The following SNRPN variants were observed in gnomAD, a reference collection of about 807,000 sequenced individuals.
SNRPN encodes small nuclear ribonucleoprotein-associated protein N.
Under a neutral mutation model 25.2 loss-of-function variants are expected in SNRPN, and 7 were observed. The ratio of observed to expected loss-of-function variants is 0.28; its 90% CI spans 0.16 to 0.52. The LOEUF is 0.52. SNRPN is among the 20% of genes least tolerant of loss of function. SNRPN has a pLI of 0.96. For missense variants in SNRPN, 196 were observed against 322.5 expected (o/e 0.61, Z 3.00); for synonymous variants, 124 against 110.6 (o/e 1.12, Z -0.76).
At chr15:24,954,945 G>T (rs570043090), upstream of SNRPN, 223 of 1,534,900 alleles carry the variant, frequency 1.5e-4, no homozygotes, top group African/African-American at 2.9e-3. Context: ...ATGCTCAGGC[G>T]GGGATGTGTG....
At position 24,976,410 on chromosome 15, in the gene SNRPN, C is replaced by G. The variant is rs200650114; in HGVS notation, c.261C>G (p.Pro87=). The change falls in exon 6 of 10, where the codon CCC becomes CCG. Residue 87 remains proline (P), a synonymous_variant. Coordinates refer to ENST00000390687, the MANE Select transcript of SNRPN (RefSeq NM_003097.6). Reference sequence around the variant, plus strand: ...CCATGACTGTGGAGGGGCCACCCCCCAAAGATGTAAGGAAGATGTAGGGCA... The same window carrying G: ...CCATGACTGTGGAGGGGCCACCCCCGAAAGATGTAAGGAAGATGTAGGGCA... ...LVSMTVEGPP[P]KDTGIARVPL... The G allele has an allele frequency of 1.3e-4, 216 of 1,604,680 alleles. No homozygotes were observed. The African/African-American group carries it at 2.2e-3, about 17-fold the overall frequency.
chr15:24,826,335 G>C (rs1220147523), intron 1 of SNRPN, among the ~76,000 whole-genome samples: 1 of 152,044 alleles, frequency 6.6e-6, no homozygotes, highest in Non-Finnish European at 1.5e-5. Flanking sequence ...AAAAGTCCTT[G>C]CTGCTCCACA....
At chr15:24,949,820 C>T (rs2062126842) in intron 3 of SNRPN, among the ~76,000 whole-genome samples, 1 of 151,452 alleles carries the variant, frequency 6.6e-6, no homozygotes, top group Non-Finnish European at 1.5e-5. Context: ...TTTCCTTTTT[C>T]TTTTCTTTCT....
intron 2 of SNRPN, among the ~76,000 whole-genome samples, chr15:24,964,626 G>GT (rs1172324996): frequency 6.6e-6 from 1 of 151,912 alleles, no homozygotes; most frequent in Non-Finnish European, 1.5e-5. Flanking sequence ...CAGCTCTGAC[G>GT]TTTTTTTAAA....
At chr15:24,923,498 T>C (rs1026737358) in intron 3 of SNRPN, among the ~76,000 whole-genome samples, 1 of 152,192 alleles carries the variant, frequency 6.6e-6, no homozygotes, top group Non-Finnish European at 1.5e-5. Flanking sequence ...GAAAAGTACA[T>C]GCACAGTTGA....
At chr15:24,905,040 A>G (rs992461818) in intron 2 of SNRPN, among the ~76,000 whole-genome samples, 1 of 149,136 alleles carries the variant, frequency 6.7e-6, no homozygotes, top group Non-Finnish European at 1.5e-5. Flanking sequence ...TTGAACCCAG[A>G]ATTCAGAGGT....
intron 1 of SNRPN, among the ~76,000 whole-genome samples, chr15:24,878,012 C>A (rs1031386219): frequency 1.3e-5 from 2 of 152,114 alleles, no homozygotes; most frequent in Admixed American, 6.6e-5. Context: ...GATTGTGTTA[C>A]CATGGACAAA....
At chr15:24,891,421 ATT>A (rs766188064) in intron 2 of SNRPN, among the ~76,000 whole-genome samples, 82 of 151,644 alleles carry the variant, frequency 5.4e-4, no homozygotes, top group Non-Finnish European at 9.6e-4. Flanking sequence ...TGGTAGTATC[ATT>A]GGGCCCAGTA....
chr15:24,841,948 C>T, intron 2 of SNRPN, among the ~76,000 whole-genome samples: 1 of 152,258 alleles, frequency 6.6e-6, no homozygotes, highest in African/African-American at 2.4e-5. Flanking sequence ...CTATGATCTG[C>T]TGTTTCCACA....
intron 1 of SNRPN, among the ~76,000 whole-genome samples, chr15:24,825,305 C>T (rs2050005090): frequency 6.6e-6 from 1 of 151,548 alleles, no homozygotes; most frequent in African/African-American, 2.4e-5. Flanking sequence ...TTAGAAGAAC[C>T]TAATAGTCAT....
chr15:24,978,041 T>G, intron 8 of SNRPN, 125 bp downstream of exon 8: 1 of 1,206,488 alleles, frequency 8.3e-7, no homozygotes, highest in South Asian at 1.5e-5. Context: ...ATACTGGTTT[T>G]TAATGAAAGA....
chr15:24,843,972 G>GAA (rs58031649), intron 2 of SNRPN, among the ~76,000 whole-genome samples: 27 of 135,442 alleles, frequency 2.0e-4, no homozygotes, highest in African/African-American at 6.8e-4. Flanking sequence ...ACTCTGTCTT[G>GAA]AAAAAAAAAA....
chr15:24,966,699 C>T (rs554666547), intron 2 of SNRPN, among the ~76,000 whole-genome samples: 1 of 152,308 alleles, frequency 6.6e-6, no homozygotes, highest in East Asian at 1.9e-4. Flanking sequence ...GTATAGGTTA[C>T]TTCCCAGGAA....
chr15:24,927,519 AC>A (rs2060496851), intron 3 of SNRPN, among the ~76,000 whole-genome samples: 1 of 66,362 alleles, frequency 1.5e-5, no homozygotes, highest in African/African-American at 5.8e-5. Flanking sequence ...TTTTTTTTTT[AC>A]TTTTGACCAC....
At chr15:24,829,422 C>T (rs2050340688) in intron 1 of SNRPN, among the ~76,000 whole-genome samples, 1 of 151,984 alleles carries the variant, frequency 6.6e-6, no homozygotes, top group African/African-American at 2.4e-5. Context: ...GTCTGTGGCA[C>T]AGGCCAGGGC....
In SNRPN at chr15:24,916,071, A is replaced by G. The variant is rs142134762; in HGVS notation, c.-504-3940A>G. Among the ~76,000 whole-genome samples, 334 of 146,980 alleles carry G rather than the reference A, an allele frequency of 2.3e-3. 2 individuals carry two copies. The highest frequency in any genetic ancestry group is 8.1e-3 in the African/African-American group (320 of 39,564). On this transcript the variant is annotated intron_variant, in intron 2 of 11. Coordinates refer to the SNRPN transcript ENST00000400097. ...ACTGTAACCTCTGCCTCCCGGATTC[A>G]AGTGATTCTCCTGCCTCAGCCTCCC...
At position 24,927,475 on chromosome 15, in the gene SNRPN, AATTTT is replaced by A. The variant is rs2060473047; in HGVS notation, c.-391+7352_-391+7356del. ...TTTCCCACTGCTTATAAAGTTTTTA[AATTTT>A]TTTTTTTTTTTTTTTTTTTTTTTTT... is the stretch of plus-strand genomic sequence containing the variant. On this transcript the variant is annotated intron_variant, in intron 3 of 11. Coordinates refer to the SNRPN transcript ENST00000400097. Among the ~76,000 whole-genome samples, 32 of 113,320 alleles carry A rather than the reference AATTTT, an allele frequency of 2.8e-4. 3 individuals are homozygous for A. Among genetic ancestry groups the A allele is most frequent in the African/African-American group, 9.8e-4 (29 of 29,602 alleles). 74.3% of individuals were successfully genotyped at this position (113,320 alleles called of 152,430 possible).
intron 1 of SNRPN, among the ~76,000 whole-genome samples, chr15:24,864,234 T>C (rs2054313813): frequency 7.1e-6 from 1 of 141,066 alleles, no homozygotes; most frequent in Non-Finnish European, 1.5e-5. Flanking sequence ...TTCACCATGT[T>C]AGCCAGGATG....
At chr15:24,957,028 C>T (rs887463518) in intron 1 of SNRPN, among the ~76,000 whole-genome samples, 1 of 152,076 alleles carries the variant, frequency 6.6e-6, no homozygotes, top group African/African-American at 2.4e-5. Context: ...TTTTGTAGTT[C>T]CTCTCTTGGT....
Sources: gnomAD v4.1 joint callset for allele counts (sites outside exome capture counted in the v4.1 genomes callset) on GRCh38, gnomAD v4.1.1 for gene constraint, MANE v1.5 for transcripts, NCBI Gene and HGNC (gene_info 2026-07-23, HGNC 2026-07-21) for gene names.